GABRG2: variants seen among roughly 807,000 people sequenced by gnomAD.
The protein encoded by GABRG2 is gamma-aminobutyric acid receptor subunit gamma-2.
A neutral mutation model predicts 56.4 loss-of-function variants in GABRG2; 16 were observed. The ratio of observed to expected loss-of-function variants is 0.28; its 90% CI spans 0.19 to 0.43. The LOEUF (loss-of-function observed/expected upper bound fraction) is 0.43. Ranked by LOEUF, GABRG2 falls within the 20% of genes least tolerant of loss-of-function variation. The pLI is 1.00. For missense variants in GABRG2, 327 were observed against 582.7 expected, an observed-to-expected ratio of 0.56 and a Z score of 4.52; for synonymous variants, 208 against 205.5, an observed-to-expected ratio of 1.01 and a Z score of -0.10.
intron 6 of GABRG2, among the ~76,000 whole-genome samples, chr5:162,117,354 G>T (rs1762688190): frequency 6.6e-6 from 1 of 152,050 alleles, no homozygotes; most frequent in South Asian, 2.1e-4. Flanking sequence ...CTTGTCAGTA[G>T]GAGGAAGTAA....
At chr5:162,098,136 T>A in intron 4 of GABRG2, 1 of 457,558 alleles carries the variant, frequency 2.2e-6, no homozygotes, top group Non-Finnish European at 4.0e-6. Flanking sequence ...TTCCTTTGTC[T>A]TGCAAGATCA....
At chr5:162,100,422 C>A (rs559858077) in intron 4 of GABRG2, 3 of 151,968 alleles carry the variant, frequency 2.0e-5, no homozygotes, top group Non-Finnish European at 4.4e-5. Context: ...AATCATCAAC[C>A]CATTACCATT....
upstream of GABRG2, chr5:162,067,601 CAAAT>C (rs578184236): frequency 1.6e-4 from 75 of 459,178 alleles, no homozygotes; most frequent in Middle Eastern, 5.6e-4. Flanking sequence ...TCAAAACAAA[CAAAT>C]AAATAACCCC....
intron 1 of GABRG2, among the ~76,000 whole-genome samples, chr5:162,080,206 TAAAC>T (rs1195097392): frequency 2.6e-5 from 4 of 152,186 alleles, no homozygotes; most frequent in East Asian, 3.8e-4. Flanking sequence ...AAGCAGACAG[TAAAC>T]AAACAAACTA....
intron 5 of GABRG2, chr5:162,102,328 C>T (rs902104993): frequency 2.9e-6 from 1 of 341,274 alleles, no homozygotes; most frequent in African/African-American, 2.1e-5. Context: ...GCCTTCCTTT[C>T]TTTTAATACT....
At chr5:162,072,134 T>G (rs1758722716) in intron 1 of GABRG2, among the ~76,000 whole-genome samples, 1 of 152,136 alleles carries the variant, frequency 6.6e-6, no homozygotes, top group Admixed American at 6.6e-5. Flanking sequence ...AAAGCATATA[T>G]ATTTTAATGA....
At chr5:162,109,420 A>ATATATATTTATTTATT (rs1424412323) in intron 6 of GABRG2, among the ~76,000 whole-genome samples, 2,629 of 114,574 alleles carry the variant, frequency 0.023, 32 homozygotes, top group Non-Finnish European at 0.036. Context: ...ATATATATAT[A>ATATATATTTATTTATT]TATTTATTTA....
rs1765591610 is a variant in GABRG2, at chr5:162,154,596, A to G, written c.*1228A>G. 1 of 152,166 alleles carries G rather than the reference A, an allele frequency of 6.6e-6. No individual in the cohort carries two copies. The highest frequency in any genetic ancestry group is 2.1e-4 in the South Asian group (1 of 4,834). The allele number at this position is 152,166 out of a possible 1,614,324, so 9.4% of individuals were successfully genotyped here. A position where few individuals can be genotyped will look rare whatever the true frequency, so the allele number is the denominator to read the frequency against. ...CAAAAAATTATTTTAGGCAAAGTCC[A>G]TACTCCTTTTAAAACAATATTTATG... On this transcript the variant is annotated 3_prime_UTR_variant, in exon 10 of 10. Coordinates refer to ENST00000639213, the MANE Select transcript of GABRG2 (RefSeq NM_198904.4).
At chr5:162,127,652 A>G (rs1397077446) in intron 6 of GABRG2, among the ~76,000 whole-genome samples, 2 of 151,980 alleles carry the variant, frequency 1.3e-5, no homozygotes, top group Non-Finnish European at 2.9e-5. Flanking sequence ...CCATTATTAA[A>G]TATGTTGTCT....
chr5:162,076,194 G>A (rs1759091635), intron 1 of GABRG2, among the ~76,000 whole-genome samples: 1 of 152,036 alleles, frequency 6.6e-6, no homozygotes, highest in African/African-American at 2.4e-5. Context: ...TTTATTTTGA[G>A]TAGGAATTGA....
At chr5:162,101,773 A>T (rs1761436631) in intron 5 of GABRG2, 1 of 165,338 alleles carries the variant, frequency 6.0e-6, no homozygotes, top group Non-Finnish European at 1.3e-5. Flanking sequence ...TACTTGACAC[A>T]CATAAGATCA....
chr5:162,146,869 C>T (rs1764988271), intron 7 of GABRG2, among the ~76,000 whole-genome samples: 1 of 152,146 alleles, frequency 6.6e-6, no homozygotes, highest in Admixed American at 6.5e-5. Flanking sequence ...AATTGCATAA[C>T]AAGTACGTAT....
rs959506345 is a variant in GABRG2, at chr5:162,095,394, C to A, written c.260-101C>A. On this transcript the variant is annotated intron_variant, in intron 2 of 9. Coordinates refer to ENST00000639213, the MANE Select transcript of GABRG2 (RefSeq NM_198904.4). ...TACCAAATTAGTTGTGAATAAATTA[C>A]TTCTAATGTAGCTAAATAAATCTAT... The A allele has an allele frequency of 1.3e-5, 10 of 748,818 alleles. No homozygotes were observed. In the African/African-American group the frequency reaches 1.7e-4, roughly 13 times the overall value. The allele number at this position is 748,818 out of a possible 1,614,324, so 46.4% of individuals were successfully genotyped here. A position where few individuals can be genotyped will look rare whatever the true frequency, so the allele number is the denominator to read the frequency against.
rs139237446 is a variant in GABRG2, at chr5:162,144,207, G to C, written c.922+1891G>C. On this transcript the variant is annotated intron_variant, in intron 7 of 9. Transcript: ENST00000639213. ...TAGTACAGTGCCTGGAACATGGCTG[G>C]TACCTCAAATAATTGTTCAATTGAT... 1.1e-3 allele frequency among the ~76,000 whole-genome samples: 162 copies of C among 152,284 alleles called. 1 individual carries two copies. In the East Asian group the frequency reaches 0.027, roughly 26 times the overall value.
At chr5:162,087,174 G>T (rs1449126686) in intron 1 of GABRG2, among the ~76,000 whole-genome samples, 1 of 151,972 alleles carries the variant, frequency 6.6e-6, no homozygotes, top group Non-Finnish European at 1.5e-5. Flanking sequence ...AACATAACCT[G>T]ACATTGATTA....
intron 6 of GABRG2, among the ~76,000 whole-genome samples, chr5:162,141,317 G>A (rs1439435988): frequency 2.6e-5 from 4 of 152,184 alleles, no homozygotes; most frequent in Non-Finnish European, 4.4e-5. Flanking sequence ...GATTACAGGC[G>A]TGAGCCACCG....
chr5:162,131,904 A>G lies in GABRG2; in HGVS notation c.770-10260A>G, dbSNP rs75222425. 5.3e-3 allele frequency among the ~76,000 whole-genome samples: 788 copies of G among 148,574 alleles called. 8 individuals are homozygous for G. Among genetic ancestry groups the G allele is most frequent in the African/African-American group, 0.017 (711 of 41,312 alleles). The stretch of plus-strand genomic sequence containing the variant: ...CAATATTAGTAGCTATAAGGAAGTT[A>G]CCACAAATTTGAATATGTGTATACT... On this transcript the variant is annotated intron_variant, in intron 6 of 9. Coordinates refer to ENST00000639213, the MANE Select transcript of GABRG2 (RefSeq NM_198904.4).
At chr5:162,139,208 C>T (rs1043674825) in intron 6 of GABRG2, among the ~76,000 whole-genome samples, 1 of 152,186 alleles carries the variant, frequency 6.6e-6, no homozygotes, top group Non-Finnish European at 1.5e-5. Flanking sequence ...ACTTTAATGT[C>T]ATATGTTAGG....
At chr5:162,107,673 G>T (rs966589798) in intron 6 of GABRG2, among the ~76,000 whole-genome samples, 1 of 152,160 alleles carries the variant, frequency 6.6e-6, no homozygotes, top group Non-Finnish European at 1.5e-5. Flanking sequence ...TGCTAGAACA[G>T]ATTCTGGATC....
Sources: gnomAD v4.1 joint callset for allele counts (sites outside exome capture counted in the v4.1 genomes callset) on GRCh38, gnomAD v4.1.1 for gene constraint, MANE v1.5 for transcripts, NCBI Gene and HGNC (gene_info 2026-07-23, HGNC 2026-07-21) for gene names.